Variants in LHFPL6 observed in about 807,000 individuals in gnomAD.
The protein encoded by LHFPL6 is LHFPL tetraspan subfamily member 6 protein.
Under a neutral mutation model 20.6 loss-of-function variants are expected in LHFPL6, and 9 were observed. The ratio of observed to expected loss-of-function variants is 0.44; its 90% CI spans 0.26 to 0.76. The LOEUF is 0.76. Ranked by LOEUF, LHFPL6 falls within the 30% of genes least tolerant of loss-of-function variation. The probability of loss-of-function intolerance (pLI) is 0.20; values close to 1 mark genes in which losing one functional copy is unlikely to be tolerated. For missense variants in LHFPL6, 218 were observed against 253.5 expected (o/e 0.86, Z 0.95); for synonymous variants, 105 against 98.7 (o/e 1.06, Z -0.38).
At chr13:39,508,646 T>C (rs557939497) in intron 2 of LHFPL6, among the ~76,000 whole-genome samples, 1 of 152,376 alleles carries the variant, frequency 6.6e-6, no homozygotes, top group African/African-American at 2.4e-5. Context: ...ATCTGCATTG[T>C]TGCATGTATT....
intron 2 of LHFPL6, among the ~76,000 whole-genome samples, chr13:39,484,925 C>T (rs1868673600): frequency 6.6e-6 from 1 of 152,284 alleles, no homozygotes; most frequent in Admixed American, 6.5e-5. Context: ...CTTTTCCCCC[C>T]TTCCTTGAAT....
At chr13:39,587,130 C>G (rs1872472869) in intron 2 of LHFPL6, among the ~76,000 whole-genome samples, 1 of 149,864 alleles carries the variant, frequency 6.7e-6, no homozygotes, top group Non-Finnish European at 1.5e-5. Context: ...TCACTCCAGC[C>G]TGGGCAATAA....
At chr13:39,481,992 A>C (rs1189916728) in intron 2 of LHFPL6, among the ~76,000 whole-genome samples, 1 of 152,160 alleles carries the variant, frequency 6.6e-6, no homozygotes, top group Admixed American at 6.6e-5. Context: ...GGGAATCAAA[A>C]GTTCATTCCG....
At chr13:39,360,620 A>C (rs1384465153) in intron 3 of LHFPL6, among the ~76,000 whole-genome samples, 1 of 96,046 alleles carries the variant, frequency 1.0e-5, no homozygotes, top group Non-Finnish European at 2.4e-5. Context: ...AGTGTAGGTT[A>C]ATCCATTCTG....
At chr13:39,355,725 G>A (rs1869708205) in intron 3 of LHFPL6, among the ~76,000 whole-genome samples, 1 of 152,142 alleles carries the variant, frequency 6.6e-6, no homozygotes, top group African/African-American at 2.4e-5. Flanking sequence ...AAAAAGAGCA[G>A]GGGTTGCTAT....
chr13:39,416,182 A>G (rs1382253324), intron 2 of LHFPL6, among the ~76,000 whole-genome samples: 2 of 152,222 alleles, frequency 1.3e-5, no homozygotes, highest in Non-Finnish European at 2.9e-5. Context: ...GTGGGGAAAA[A>G]TAATCTGAAC....
intron 2 of LHFPL6, among the ~76,000 whole-genome samples, chr13:39,555,961 T>C (rs1245165410): frequency 6.6e-6 from 1 of 152,066 alleles, no homozygotes; most frequent in Non-Finnish European, 1.5e-5. Context: ...TTAGTTCACA[T>C]GAGATCTGGT....
intron 3 of LHFPL6, among the ~76,000 whole-genome samples, chr13:39,358,867 C>A (rs531473574): frequency 3.9e-5 from 6 of 152,130 alleles, no homozygotes; most frequent in Non-Finnish European, 8.8e-5. Flanking sequence ...GTCAGAATGA[C>A]TTTTGTTAAA....
intron 2 of LHFPL6, among the ~76,000 whole-genome samples, chr13:39,578,189 T>C (rs1267001127): frequency 6.6e-6 from 1 of 152,016 alleles, no homozygotes; most frequent in Admixed American, 6.6e-5. Context: ...GCAACCAAGT[T>C]AGTTGTTATC....
At chr13:39,472,229 G>A (rs1438073838) in intron 2 of LHFPL6, among the ~76,000 whole-genome samples, 5 of 152,152 alleles carry the variant, frequency 3.3e-5, no homozygotes, top group Non-Finnish European at 7.4e-5. Flanking sequence ...TTGCACAGGA[G>A]AAAGGACTCA....
At chr13:39,555,275 G>A (rs1871270290) in intron 2 of LHFPL6, among the ~76,000 whole-genome samples, 1 of 151,672 alleles carries the variant, frequency 6.6e-6, no homozygotes, top group Admixed American at 6.6e-5. Context: ...ATAAGTGAAA[G>A]GTGGCTTCTG....
chr13:39,538,761 G>A (rs747773511), intron 2 of LHFPL6, among the ~76,000 whole-genome samples: 2 of 151,880 alleles, frequency 1.3e-5, no homozygotes, highest in Non-Finnish European at 2.9e-5. Flanking sequence ...TAAGTATAAC[G>A]ATTTCAATTT....
intron 3 of LHFPL6, among the ~76,000 whole-genome samples, chr13:39,356,072 A>T (rs1303700835): frequency 6.6e-6 from 1 of 152,250 alleles, no homozygotes; most frequent in Non-Finnish European, 1.5e-5. Flanking sequence ...CTTAATGCAC[A>T]TTATTTTCAT....
chr13:39,431,204 C>T (rs182661410), intron 2 of LHFPL6, among the ~76,000 whole-genome samples: 1 of 140,166 alleles, frequency 7.1e-6, no homozygotes, highest in African/African-American at 2.8e-5. Flanking sequence ...TCTGAAGGAA[C>T]AAACTCCGGG....
At chr13:39,511,032 C>T (rs1220540025) in intron 2 of LHFPL6, among the ~76,000 whole-genome samples, 2 of 152,094 alleles carry the variant, frequency 1.3e-5, no homozygotes, top group Non-Finnish European at 2.9e-5. Context: ...ACCACCACGC[C>T]CAGCTAATTT....
At chr13:39,557,394 C>A (rs1204743928) in intron 2 of LHFPL6, among the ~76,000 whole-genome samples, 1 of 152,200 alleles carries the variant, frequency 6.6e-6, no homozygotes, top group African/African-American at 2.4e-5. Context: ...ACACGGATTT[C>A]AGAGGATGTA....
intron 2 of LHFPL6, among the ~76,000 whole-genome samples, chr13:39,434,495 C>T (rs56828330): frequency 0.026 from 3,952 of 152,214 alleles, 154 homozygotes; most frequent in African/African-American, 0.087. Context: ...ATAAAACAAT[C>T]TCAAATTGTT....
At chr13:39,511,261 T>C (rs1489822475) in intron 2 of LHFPL6, among the ~76,000 whole-genome samples, 1 of 152,232 alleles carries the variant, frequency 6.6e-6, no homozygotes, top group Non-Finnish European at 1.5e-5. Context: ...CACTTTCCAA[T>C]TTTTCAAATC....
chr13:39,397,464 G>C (rs1870871961), intron 2 of LHFPL6, among the ~76,000 whole-genome samples: 1 of 152,208 alleles, frequency 6.6e-6, no homozygotes, highest in South Asian at 2.1e-4. Context: ...CAAGCTGCAT[G>C]ATCATAATTT....
Sources: gnomAD v4.1 joint callset for allele counts (sites outside exome capture counted in the v4.1 genomes callset) on GRCh38, gnomAD v4.1.1 for gene constraint, MANE v1.5 for transcripts, NCBI Gene and HGNC (gene_info 2026-07-23, HGNC 2026-07-21) for gene names.